Variants in STEAP2 observed in about 807,000 individuals in gnomAD.
STEAP2 encodes STEAP2 metalloreductase.
Under a neutral mutation model 46.4 loss-of-function variants are expected in STEAP2, and 30 were observed. That is an observed-to-expected ratio of 0.65 (90% CI 0.48 to 0.88). STEAP2 has a LOEUF of 0.88. STEAP2 is among the 40% of genes least tolerant of loss of function. The pLI is 0.00. For synonymous variants in STEAP2, 180 were observed against 200.5 expected, an observed-to-expected ratio of 0.90 and a Z score of 0.86; for missense variants, 513 against 579.3, an observed-to-expected ratio of 0.89 and a Z score of 1.18.
downstream of STEAP2, among the ~76,000 whole-genome samples, chr7:90,240,113 A>C (rs2116426814): frequency 6.6e-6 from 1 of 152,148 alleles, no homozygotes; most frequent in South Asian, 2.1e-4. The surrounding 1 kb of genome is among the most constrained non-coding windows in gnomAD (Gnocchi z 4.1). Flanking sequence ...CTCTACAAAA[A>C]ACAACAAAAA....
chr7:90,224,111 A>G (rs194519), intron 2 of STEAP2, among the ~76,000 whole-genome samples: 112,807 of 152,106 alleles, frequency 0.74, 42,494 homozygotes, highest in African/African-American at 0.77. Context: ...TACTTGTTAC[A>G]AGTGTGTTTT....
At chr7:90,215,928 A>AC (rs2116138177) in intron 1 of STEAP2, 1 of 151,942 alleles carries the variant, frequency 6.6e-6, no homozygotes, top group South Asian at 2.1e-4. Flanking sequence ...ACCTGCCACC[A>AC]CCCCTGCCTA....
At position 90,232,510 on chromosome 7, in the gene STEAP2, T is replaced by G; in HGVS notation, c.1359T>G (p.Cys453Trp). Residue 453 changes from cysteine (C) to tryptophan (W), a missense_variant, in exon 6 of 6, where the codon TGT becomes TGG. Physicochemically the swap from Cys to Trp is radical, Grantham distance 215. Transcript: ENST00000394621. ...ILGKIILFLPCISRKLKRIKK... is the reference protein window; with the variant it reads ...ILGKIILFLPWISRKLKRIKK... ...GTAAGATTATTTTATTCCTTCCATG[T>G]ATAAGCCGAAAGCTAAAACGAATTA... 1.2e-6 allele frequency: 2 copies of G among 1,613,806 alleles called. No individual in the cohort carries two copies. Among genetic ancestry groups the G allele is most frequent in the Non-Finnish European group, 1.7e-6 (2 of 1,179,788 alleles).
intron 5 of STEAP2, among the ~76,000 whole-genome samples, chr7:90,230,399 G>C (rs1158925241): frequency 2.6e-5 from 4 of 151,870 alleles, no homozygotes; most frequent in Non-Finnish European, 5.9e-5. Flanking sequence ...TTTATGTTTT[G>C]AGTCATCTTG....
At chr7:90,217,407 C>G (rs1053991361) in intron 2 of STEAP2, among the ~76,000 whole-genome samples, 11 of 152,130 alleles carry the variant, frequency 7.2e-5, no homozygotes, top group Admixed American at 6.5e-4. Context: ...TTCCTCCCCT[C>G]CTCCCATCAA....
At chr7:90,222,052 C>T (rs1057424256) in intron 2 of STEAP2, among the ~76,000 whole-genome samples, 2 of 152,134 alleles carry the variant, frequency 1.3e-5, no homozygotes, top group African/African-American at 4.8e-5. Flanking sequence ...TTGTGTGAAT[C>T]TAGCAACCTT....
At chr7:90,227,606 T>C (rs1689708230) in intron 4 of STEAP2, 108 bp downstream of exon 4, 1 of 1,110,898 alleles carries the variant, frequency 9.0e-7, no homozygotes, top group Admixed American at 3.2e-5. Context: ...TTGATTTTGG[T>C]ATACTGCGGG....
Position 90,235,567 on chromosome 7 carries a change from C to T in STEAP2, c.*2943C>T. ...CTGGTCTGTGTTTTGAGAAGTGCCC[C>T]TTAGAAAGTTAAAAGAATGTAGAAA... On this transcript the variant is annotated 3_prime_UTR_variant, in exon 6 of 6. Transcript: ENST00000394621. 1 of 984,264 alleles carries T rather than the reference C, an allele frequency of 1.0e-6. No homozygotes were observed. The highest frequency in any genetic ancestry group is 1.2e-6 in the Non-Finnish European group (1 of 829,686). 61.0% of individuals were successfully genotyped at this position (984,264 alleles called of 1,614,324 possible). A position where few individuals can be genotyped will look rare whatever the true frequency, so the allele number is the denominator to read the frequency against.
rs1795866207 is a variant in STEAP2, at chr7:90,234,048, T to C, written c.*1424T>C. On this transcript the variant is annotated 3_prime_UTR_variant, in exon 6 of 6. Transcript: ENST00000394621. Reference sequence around the variant, plus strand: ...AATTGCTGAGATCCCACGGAGTCTTTCAAAAATCTCTGTAGAGTTAGTCTT... The same window carrying C: ...AATTGCTGAGATCCCACGGAGTCTTCCAAAAATCTCTGTAGAGTTAGTCTT... The C allele has an allele frequency of 1.0e-6, 1 of 985,410 alleles. No homozygotes were observed. The highest frequency in any genetic ancestry group is 4.7e-5 in the South Asian group (1 of 21,284). 61.0% of individuals were successfully genotyped at this position (985,410 alleles called of 1,614,324 possible). A position where few individuals can be genotyped will look rare whatever the true frequency, so the allele number is the denominator to read the frequency against.
downstream of STEAP2, among the ~76,000 whole-genome samples, chr7:90,242,633 C>T (rs535665271): frequency 1.3e-5 from 2 of 152,302 alleles, no homozygotes; most frequent in Admixed American, 6.5e-5. Context: ...AGTCTCCTTT[C>T]GATGTGGTTT....
At chr7:90,230,484 A>G (rs1009052074) in intron 5 of STEAP2, among the ~76,000 whole-genome samples, 1 of 151,986 alleles carries the variant, frequency 6.6e-6, no homozygotes, top group Admixed American at 6.6e-5. Flanking sequence ...AAATGTGTGT[A>G]TATATACACA....
chr7:90,237,072 C>A lies in STEAP2; in HGVS notation c.*4448C>A. The A allele has an allele frequency of 1.0e-6, 1 of 997,908 alleles. No homozygotes were observed. The highest frequency in any genetic ancestry group is 1.6e-5 in the South Asian group (1 of 62,906). 61.8% of individuals were successfully genotyped at this position (997,908 alleles called of 1,614,324 possible). ...TCCTCAAAGGAAGGCAGCATGTGTC[C>A]TTTTTCATCCCTTCATCTTGCTGCT... On this transcript the variant is annotated 3_prime_UTR_variant, in exon 6 of 6. Transcript: ENST00000394621.
chr7:90,241,326 T>C (rs1353643150), downstream of STEAP2, among the ~76,000 whole-genome samples: 1 of 152,100 alleles, frequency 6.6e-6, no homozygotes, highest in Non-Finnish European at 1.5e-5. Flanking sequence ...ACAGAGTCCC[T>C]AGTAATGCCA....
downstream of STEAP2, among the ~76,000 whole-genome samples, chr7:90,242,249 G>A (rs1200885411): frequency 6.6e-6 from 1 of 152,104 alleles, no homozygotes; most frequent in Non-Finnish European, 1.5e-5. Context: ...CTCTGGATAT[G>A]GGGCAGAATG....
At chr7:90,241,944 T>A (rs189152703), downstream of STEAP2, among the ~76,000 whole-genome samples, 1 of 152,292 alleles carries the variant, frequency 6.6e-6, no homozygotes, top group East Asian at 1.9e-4. Context: ...ATAATGCAAA[T>A]GTTATGCGGG....
chr7:90,234,290 A>C lies in STEAP2; in HGVS notation c.*1666A>C. On this transcript the variant is annotated 3_prime_UTR_variant, in exon 6 of 6. Coordinates refer to ENST00000394621, the MANE Select transcript of STEAP2 (RefSeq NM_001244944.2). ...AATGCCCTACATTCCCCCCACCCCAATTTGCTATTTCCTTATTAAAATAGA... is the reference window on the plus strand; with the variant it reads ...AATGCCCTACATTCCCCCCACCCCACTTTGCTATTTCCTTATTAAAATAGA... 1.0e-6 allele frequency: 1 copy of C among 985,202 alleles called. No individual in the cohort carries two copies. The highest frequency in any genetic ancestry group is 1.2e-6 in the Non-Finnish European group (1 of 829,868). The allele number at this position is 985,202 out of a possible 1,614,324, so 61.0% of individuals were successfully genotyped here.
chr7:90,232,133 G>A (rs1279368457), intron 5 of STEAP2, among the ~76,000 whole-genome samples: 2 of 151,716 alleles, frequency 1.3e-5, no homozygotes, highest in Non-Finnish European at 2.9e-5. Flanking sequence ...GTAACATAAG[G>A]TGTGCATATA....
chr7:90,219,856 A>T (rs1243390273), intron 2 of STEAP2, among the ~76,000 whole-genome samples: 3 of 152,130 alleles, frequency 2.0e-5, no homozygotes, highest in African/African-American at 7.2e-5. Context: ...GCTCCCGAGT[A>T]CTAGGACTTC....
intron 5 of STEAP2, among the ~76,000 whole-genome samples, chr7:90,231,260 A>T (rs194523): frequency 0.51 from 77,687 of 151,620 alleles, 20,270 homozygotes; most frequent in Non-Finnish European, 0.55. Context: ...GTTTATATTA[A>T]TACTGCAGGA....
Sources: allele counts gnomAD v4.1 joint callset (sites outside exome capture counted in the v4.1 genomes callset), GRCh38; gene constraint gnomAD v4.1.1; non-coding constraint Gnocchi (gnomAD v3.1); transcripts MANE v1.5; gene names NCBI Gene and HGNC (gene_info 2026-07-23, HGNC 2026-07-21).